Variants in ANAPC16 observed in about 807,000 individuals in gnomAD.
The protein encoded by ANAPC16 is anaphase promoting complex subunit 16, also known as anaphase-promoting complex subunit 16.
A neutral mutation model predicts 13.1 loss-of-function variants in ANAPC16; 6 were observed. That is an observed-to-expected ratio of 0.46 (90% CI 0.25 to 0.90). The LOEUF (loss-of-function observed/expected upper bound fraction) is 0.90. Among genes scored for constraint, ANAPC16 ranks in the 40% least tolerant of loss-of-function variants. The pLI is 0.18. For synonymous variants in ANAPC16, 55 were observed against 51.3 expected (o/e 1.07, Z -0.31); for missense variants, 113 against 131.1 (o/e 0.86, Z 0.67).
chr10:72,230,860 T>C (rs1333940997), intron 3 of ANAPC16, among the ~76,000 whole-genome samples: 1 of 152,094 alleles, frequency 6.6e-6, no homozygotes, highest in Non-Finnish European at 1.5e-5. Context: ...CACTGCACTC[T>C]AGCCTGTGCA....
intron 2 of ANAPC16, among the ~76,000 whole-genome samples, chr10:72,227,766 C>T (rs988772220): frequency 6.6e-6 from 1 of 151,696 alleles, no homozygotes; most frequent in Non-Finnish European, 1.5e-5. Context: ...CACGGTGCCT[C>T]ACGCCTGTAA....
Position 72,221,187 on chromosome 10 carries a change from A to G in ANAPC16, c.-27-2701A>G, listed in dbSNP as rs558395056. Among the ~76,000 whole-genome samples, 781 of 152,314 alleles carry G rather than the reference A, an allele frequency of 5.1e-3. 4 individuals are homozygous for G. Among genetic ancestry groups the G allele is most frequent in the Non-Finnish European group, 7.8e-3 (531 of 68,026 alleles). On this transcript the variant is annotated intron_variant, in intron 1 of 3. Coordinates refer to ENST00000299381, the MANE Select transcript of ANAPC16 (RefSeq NM_173473.4). ...CACCTTGGCCTCCCAAAGTGCTGGCATTACAGGCGTTAGCCACCAGCCTGC... is the reference window on the plus strand; with the variant it reads ...CACCTTGGCCTCCCAAAGTGCTGGCGTTACAGGCGTTAGCCACCAGCCTGC...
rs1860259448 is a variant in ANAPC16 at position 72,230,405 on chromosome 10, A to G, written c.182A>G (p.Tyr61Cys). The G allele has an allele frequency of 3.1e-6, 5 of 1,614,144 alleles. No individual in the cohort carries two copies. The highest frequency in any genetic ancestry group is 4.2e-6 in the Non-Finnish European group (5 of 1,180,012). Residue 61 changes from tyrosine (Y) to cysteine (C), a missense_variant, in exon 3 of 4, where the codon TAT (tyrosine) becomes TGT (cysteine). Transcript: ENST00000299381. Reference protein sequence around the residue: ...ERFLCESVFSYQVASTLKQVK... With the variant: ...ERFLCESVFSCQVASTLKQVK... Reference sequence around the variant, plus strand: ...TTCCTCTGCGAATCTGTTTTTAGCTATCAAGTGGCATCCACGCTTAAACAG... The same window carrying G: ...TTCCTCTGCGAATCTGTTTTTAGCTGTCAAGTGGCATCCACGCTTAAACAG...
chr10:72,223,600 C>T (rs1434683380), intron 1 of ANAPC16: 3 of 216,962 alleles, frequency 1.4e-5, no homozygotes, highest in Admixed American at 5.6e-5. Context: ...ATCACCCCTT[C>T]ATAACTCATA....
chr10:72,233,085 A>C lies in ANAPC16; in HGVS notation c.302A>C (p.Gln101Pro). 1 of 1,614,220 alleles carries C rather than the reference A, an allele frequency of 6.2e-7. No homozygotes were observed. Among genetic ancestry groups the C allele is most frequent in the Non-Finnish European group, 8.5e-7 (1 of 1,180,028 alleles). ...ADEWRFKPIE[Q>P]LLGFTPSSG ...GAGTGGCGGTTTAAGCCCATCGAGC[A>C]GCTGCTGGGATTCACCCCCTCTTCA... The change falls in exon 4 of 4, where the codon CAG (glutamine) becomes CCG (proline). Residue 101 changes from glutamine to proline, a missense_variant. Coordinates refer to ENST00000299381, the MANE Select transcript of ANAPC16 (RefSeq NM_173473.4).
chr10:72,234,578 A>G lies in ANAPC16; in HGVS notation c.*1462A>G, dbSNP rs1219997738. On this transcript the variant is annotated 3_prime_UTR_variant, in exon 4 of 4. Transcript: ENST00000299381. ...TTGTATGCAAATTTTGCCTTAGACA[A>G]CATTTGTCTGGTTCCTTATTAATAA... 4 of 152,200 alleles carry G rather than the reference A, an allele frequency of 2.6e-5. No individual in the cohort carries two copies. Among genetic ancestry groups the G allele is most frequent in the African/African-American group, 9.6e-5 (4 of 41,454 alleles). The allele number at this position is 152,200 out of a possible 1,614,324, so 9.4% of individuals were successfully genotyped here.
chr10:72,220,571 G>A (rs1236649103), intron 1 of ANAPC16, among the ~76,000 whole-genome samples: 1 of 151,784 alleles, frequency 6.6e-6, no homozygotes, highest in Non-Finnish European at 1.5e-5. Flanking sequence ...GAGGTTGGAG[G>A]ATTGCTTGAG....
chr10:72,232,707 G>A (rs889288545), intron 3 of ANAPC16, among the ~76,000 whole-genome samples: 1 of 149,950 alleles, frequency 6.7e-6, no homozygotes, highest in South Asian at 2.2e-4. Flanking sequence ...GGGTTCAAGC[G>A]ATTCTCCTGC....
chr10:72,226,191 A>C (rs927758550), intron 2 of ANAPC16, among the ~76,000 whole-genome samples: 1 of 151,138 alleles, frequency 6.6e-6, no homozygotes, highest in Non-Finnish European at 1.5e-5. Context: ...AATTTTTTTA[A>C]TATTTTTAAT....
intron 2 of ANAPC16, among the ~76,000 whole-genome samples, chr10:72,226,643 A>G (rs1359709199): frequency 2.6e-5 from 4 of 151,676 alleles, no homozygotes; most frequent in Non-Finnish European, 5.9e-5. Context: ...ACTGCATTCG[A>G]GCCTGGGTGA....
At chr10:72,225,431 T>A (rs527983593) in intron 2 of ANAPC16, among the ~76,000 whole-genome samples, 1 of 152,044 alleles carries the variant, frequency 6.6e-6, no homozygotes, top group African/African-American at 2.4e-5. Context: ...TTGAAAAACA[T>A]TGGGACCAGG....
chr10:72,217,984 A>T (rs540120744), intron 1 of ANAPC16, among the ~76,000 whole-genome samples: 1 of 151,344 alleles, frequency 6.6e-6, no homozygotes, highest in South Asian at 2.1e-4. Context: ...GAATACTTCC[A>T]AGTCCCAAGC....
intron 1 of ANAPC16, among the ~76,000 whole-genome samples, chr10:72,222,543 AAGGCAGGCAAATCACCTG>A (rs1390572838): frequency 6.8e-6 from 1 of 147,616 alleles, no homozygotes; most frequent in Non-Finnish European, 1.5e-5. Flanking sequence ...TTGGGAGGCC[AAGGCAGGCAAATCACCTG>A]AGGTCAGGAG....
chr10:72,233,875 G>A lies in ANAPC16; in HGVS notation c.*759G>A, dbSNP rs559859574. 7.2e-5 allele frequency: 11 copies of A among 152,600 alleles called. No individual in the cohort carries two copies. The highest frequency in any genetic ancestry group is 1.6e-4 in the Non-Finnish European group (11 of 68,034). 9.5% of individuals were successfully genotyped at this position (152,600 alleles called of 1,614,324 possible). On this transcript the variant is annotated 3_prime_UTR_variant, in exon 4 of 4. Coordinates refer to ENST00000299381, the MANE Select transcript of ANAPC16 (RefSeq NM_173473.4). ...AAATCTCAGGGATTTGGGATGAAGTGAAGAGGTCAAATTACTTTTTAGAAG... is the reference window on the plus strand; with the variant it reads ...AAATCTCAGGGATTTGGGATGAAGTAAAGAGGTCAAATTACTTTTTAGAAG...
chr10:72,235,433 CAA>C lies in ANAPC16; in HGVS notation c.*2318_*2319del, dbSNP rs1164676884. ...TGCCTGTGTGCTCCAGCCTGAGCAA[CAA>C]GAGCGAAACTGTCTCAAAAAAAAGA... On this transcript the variant is annotated 3_prime_UTR_variant, in exon 4 of 4. Coordinates refer to ENST00000299381, the MANE Select transcript of ANAPC16 (RefSeq NM_173473.4). 1 of 152,066 alleles carries C rather than the reference CAA, an allele frequency of 6.6e-6. No individual in the cohort carries two copies. Among genetic ancestry groups the C allele is most frequent in the African/African-American group, 2.4e-5 (1 of 41,416 alleles). The allele number at this position is 152,066 out of a possible 1,614,324, so 9.4% of individuals were successfully genotyped here.
At chr10:72,225,031 T>C (rs920768776) in intron 2 of ANAPC16, among the ~76,000 whole-genome samples, 6 of 152,078 alleles carry the variant, frequency 3.9e-5, no homozygotes, top group African/African-American at 1.2e-4. Context: ...TGCCTGTAAT[T>C]CTAGCACTTT....
intron 1 of ANAPC16, among the ~76,000 whole-genome samples, chr10:72,218,251 A>G (rs1344836771): frequency 7.4e-6 from 1 of 135,034 alleles, no homozygotes; most frequent in Non-Finnish European, 1.5e-5. Context: ...CATTTTTGGC[A>G]TCAGACCTTG....
chr10:72,224,752 G>A (rs540083743), intron 2 of ANAPC16, among the ~76,000 whole-genome samples: 6 of 152,126 alleles, frequency 3.9e-5, no homozygotes, highest in East Asian at 1.9e-4. Context: ...ATTAATCTAC[G>A]GATAGATTCA....
Position 72,227,040 on chromosome 10 carries a change from A to C in ANAPC16, c.142+2984A>C, listed in dbSNP as rs185792627. On this transcript the variant is annotated intron_variant, in intron 2 of 3. Transcript: ENST00000299381. ...ATGACTTCATTTATATGCAGCAAAG[A>C]CCTAGTATTAAGGAAGTTTCCCACA... Among the ~76,000 whole-genome samples the C allele has an allele frequency of 9.8e-5, 15 of 152,360 alleles. 1 individual carries two copies. The highest frequency in any genetic ancestry group is 7.2e-4 in the Admixed American group (11 of 15,294).
Sources: gnomAD v4.1 joint callset for allele counts (sites outside exome capture counted in the v4.1 genomes callset) on GRCh38, gnomAD v4.1.1 for gene constraint, MANE v1.5 for transcripts, NCBI Gene and HGNC (gene_info 2026-07-23, HGNC 2026-07-21) for gene names.